Variants in EXOC6B observed in about 807,000 individuals in gnomAD.
The protein encoded by EXOC6B is exocyst complex component 6B.
Under a neutral mutation model 113.5 loss-of-function variants are expected in EXOC6B, and 54 were observed. The observed-to-expected ratio is 0.48, with a 90% confidence interval of 0.38 to 0.60. EXOC6B has a LOEUF of 0.60. Among genes scored for constraint, EXOC6B ranks in the 20% least tolerant of loss-of-function variants. The pLI is 0.00. For missense variants in EXOC6B, 797 were observed against 977.5 expected, an observed-to-expected ratio of 0.82 and a Z score of 2.46; for synonymous variants, 357 against 339.0, an observed-to-expected ratio of 1.05 and a Z score of -0.58.
intron 6 of EXOC6B, among the ~76,000 whole-genome samples, chr2:72,660,211 A>T (rs1047821740): frequency 1.3e-5 from 2 of 152,054 alleles, no homozygotes; most frequent in Admixed American, 1.3e-4. Flanking sequence ...AAAAAAAAAT[A>T]AAGCCATTGG....
chr2:72,462,652 G>C (rs962956881), intron 18 of EXOC6B: 2 of 152,012 alleles, frequency 1.3e-5, no homozygotes, highest in African/African-American at 2.4e-5. Flanking sequence ...CACTGAATCT[G>C]CTGACATCTT....
chr2:72,638,817 C>G (rs572135350), intron 6 of EXOC6B, among the ~76,000 whole-genome samples: 2 of 152,260 alleles, frequency 1.3e-5, no homozygotes, highest in East Asian at 3.9e-4. Flanking sequence ...CTAGGCTCAA[C>G]GTGCTTCCAT....
At chr2:72,375,959 G>A (rs1012608791) in intron 19 of EXOC6B, among the ~76,000 whole-genome samples, 41 of 152,162 alleles carry the variant, frequency 2.7e-4, no homozygotes, top group African/African-American at 9.4e-4. Flanking sequence ...AACCAAGATG[G>A]AAGCAGCACC....
At position 72,712,434 on chromosome 2, in the gene EXOC6B, T is replaced by C. The variant is rs188522643; in HGVS notation, c.669+5669A>G. Among the ~76,000 whole-genome samples, 223 of 152,304 alleles carry C rather than the reference T, an allele frequency of 1.5e-3. 1 individual carries two copies. Among genetic ancestry groups the C allele is most frequent in the African/African-American group, 5.1e-3 (210 of 41,584 alleles). ...CTGAAATCATGGTGTCAACCATTGC[T>C]GTGGTCTCTCTCACCTGGAGCTCAG... On this transcript the variant is annotated intron_variant, in intron 6 of 21. Transcript: ENST00000272427.
At chr2:72,335,098 G>T in intron 19 of EXOC6B, 78 bp from the exon 20 acceptor site, 1 of 1,309,512 alleles carries the variant, frequency 7.6e-7, no homozygotes, top group Non-Finnish European at 1.1e-6. Context: ...TGACAGGGAA[G>T]ACAAGAGAAG....
intron 1 of EXOC6B, among the ~76,000 whole-genome samples, chr2:72,805,851 T>C (rs751643182): frequency 9.9e-5 from 15 of 152,164 alleles, no homozygotes; most frequent in Non-Finnish European, 1.9e-4. Flanking sequence ...TAAATTTTTT[T>C]CAATTCCACA....
In EXOC6B at chr2:72,276,326, A is replaced by T. The variant is rs144716706; in HGVS notation, c.2196+58621T>A. Reference sequence around the variant, plus strand: ...TTCTGCATGGAAGGGACCTGGGACAAAAGCTGAATTCCTGCTACTCTCTCA... The same window carrying T: ...TTCTGCATGGAAGGGACCTGGGACATAAGCTGAATTCCTGCTACTCTCTCA... On this transcript the variant is annotated intron_variant, in intron 20 of 21. Coordinates refer to ENST00000272427, the MANE Select transcript of EXOC6B (RefSeq NM_015189.3). 2.9e-3 allele frequency among the ~76,000 whole-genome samples: 434 copies of T among 152,266 alleles called. 1 individual carries two copies. The highest frequency in any genetic ancestry group is 9.8e-3 in the African/African-American group (409 of 41,544).
chr2:72,324,962 T>C (rs747593072), intron 20 of EXOC6B, among the ~76,000 whole-genome samples: 1 of 152,164 alleles, frequency 6.6e-6, no homozygotes, highest in Non-Finnish European at 1.5e-5. Flanking sequence ...ATCTTAAGTC[T>C]CTGGACTGAC....
At chr2:72,358,817 C>T (rs1207649931) in intron 19 of EXOC6B, among the ~76,000 whole-genome samples, 1 of 152,092 alleles carries the variant, frequency 6.6e-6, no homozygotes, top group East Asian at 1.9e-4. Flanking sequence ...GAGAATATTC[C>T]TTAAGATTAC....
At chr2:72,270,625 T>C (rs1010676545) in intron 20 of EXOC6B, among the ~76,000 whole-genome samples, 1 of 152,158 alleles carries the variant, frequency 6.6e-6, no homozygotes, top group African/African-American at 2.4e-5. Flanking sequence ...AAATTGCTTT[T>C]CTTAGCTGCT....
intron 18 of EXOC6B, among the ~76,000 whole-genome samples, chr2:72,406,311 A>G (rs578258206): frequency 4.6e-5 from 7 of 152,190 alleles, no homozygotes; most frequent in Admixed American, 4.6e-4. Flanking sequence ...GAAAGTTAAC[A>G]AGGATATCCA....
chr2:72,654,500 A>G (rs2104418915), intron 6 of EXOC6B, among the ~76,000 whole-genome samples: 1 of 152,224 alleles, frequency 6.6e-6, no homozygotes, highest in East Asian at 1.9e-4. Context: ...CTAGGTTTCA[A>G]AACTGATGTG....
intron 20 of EXOC6B, among the ~76,000 whole-genome samples, chr2:72,267,330 G>C (rs1190004381): frequency 1.3e-5 from 2 of 152,128 alleles, no homozygotes; most frequent in Non-Finnish European, 2.9e-5. Flanking sequence ...TCTCTGTCTT[G>C]TGCCAGTTTT....
intron 18 of EXOC6B, among the ~76,000 whole-genome samples, chr2:72,382,969 T>C (rs1469298594): frequency 6.6e-6 from 1 of 152,148 alleles, no homozygotes; most frequent in African/African-American, 2.4e-5. Flanking sequence ...GACTCCTTCC[T>C]TGTACCATAT....
chr2:72,500,041 TTTAA>T, intron 11 of EXOC6B, 69 bp from the exon 12 acceptor site: 1 of 1,075,272 alleles, frequency 9.3e-7, no homozygotes, highest in Non-Finnish European at 1.4e-6. Flanking sequence ...TTTTTATTTA[TTTAA>T]TTGTTTAGCG....
intron 3 of EXOC6B, 124 bp from the exon 4 acceptor site, chr2:72,731,369 C>A (rs1680636793): frequency 2.8e-6 from 2 of 707,718 alleles, no homozygotes; most frequent in African/African-American, 1.8e-5. Flanking sequence ...TAAGACCTGC[C>A]AAGTGAACTA....
chr2:72,672,661 G>T (rs1289654129), intron 6 of EXOC6B, among the ~76,000 whole-genome samples: 2 of 152,102 alleles, frequency 1.3e-5, no homozygotes, highest in Non-Finnish European at 2.9e-5. Context: ...GCAGCTACAT[G>T]GATAGAACCA....
At chr2:72,805,978 C>T (rs1157006490) in intron 1 of EXOC6B, among the ~76,000 whole-genome samples, 1 of 152,144 alleles carries the variant, frequency 6.6e-6, no homozygotes, top group Non-Finnish European at 1.5e-5. Context: ...TTTCATAAGG[C>T]TCAATAGTAT....
chr2:72,183,950 C>A, intron 21 of EXOC6B, 125 bp downstream of exon 21: 3 of 567,588 alleles, frequency 5.3e-6, no homozygotes, highest in Non-Finnish European at 6.4e-6. Flanking sequence ...GCACCCAGGG[C>A]CTATGGCAAC....
Sources: gnomAD v4.1 joint callset for allele counts (sites outside exome capture counted in the v4.1 genomes callset) on GRCh38, gnomAD v4.1.1 for gene constraint, MANE v1.5 for transcripts, NCBI Gene and HGNC (gene_info 2026-07-23, HGNC 2026-07-21) for gene names.